Variants in ABCG8 observed in about 807,000 individuals in gnomAD.
The protein encoded by ABCG8 is ATP-binding cassette sub-family G member 8.
ABCG8 carries 81 observed loss-of-function variants against 71.3 expected under a neutral mutation model. The ratio of observed to expected loss-of-function variants is 1.14; its 90% CI spans 0.95 to 1.37. The LOEUF is 1.37. Among genes scored for constraint, ABCG8 ranks in the 40% most tolerant of loss-of-function variants. ABCG8 has a pLI of 0.00. For synonymous variants in ABCG8, 451 were observed against 354.7 expected (o/e 1.27, Z -3.05); for missense variants, 1,119 against 866.2 (o/e 1.29, Z -3.66).
At chr2:43,876,562 T>C (rs1479006148) in intron 11 of ABCG8, among the ~76,000 whole-genome samples, 2 of 150,144 alleles carry the variant, frequency 1.3e-5, no homozygotes, top group East Asian at 4.0e-4. Flanking sequence ...AGGGAGACCA[T>C]GGGAATATGG....
At chr2:43,867,928 T>C (rs1669591473) in intron 6 of ABCG8, among the ~76,000 whole-genome samples, 1 of 151,762 alleles carries the variant, frequency 6.6e-6, no homozygotes, top group South Asian at 2.1e-4. Context: ...GATAAAACTC[T>C]CACTATCCGT....
chr2:43,875,654 C>T (rs570435227), intron 11 of ABCG8, among the ~76,000 whole-genome samples: 2 of 152,304 alleles, frequency 1.3e-5, no homozygotes, highest in East Asian at 3.9e-4. Flanking sequence ...TGTCTCCCTC[C>T]CTCTCCACAT....
At position 43,866,333 on chromosome 2, in the gene ABCG8, A is replaced by G. The variant is rs529262489; in HGVS notation, c.965-5643A>G. Among the ~76,000 whole-genome samples the G allele has an allele frequency of 8.5e-3, 1,292 of 152,072 alleles. 26 individuals are homozygous for G. The highest frequency in any genetic ancestry group is 0.029 in the African/African-American group (1,187 of 41,504). ...CCAAAAGCAATGGCAACAAAAGCCA[A>G]AATTGACAAATGGGATCTAATTAAA... On this transcript the variant is annotated intron_variant, in intron 6 of 12. Transcript: ENST00000272286.
intron 6 of ABCG8, among the ~76,000 whole-genome samples, chr2:43,864,164 C>T (rs1256186638): frequency 6.6e-6 from 1 of 151,448 alleles, no homozygotes; most frequent in East Asian, 1.9e-4. Context: ...ATAAAATACT[C>T]ACTCTCTGGA....
In ABCG8 at chr2:43,851,647, C is replaced by G; in HGVS notation, c.386C>G (p.Ser129Ter). 1 of 1,614,224 alleles carries G rather than the reference C, an allele frequency of 6.2e-7. No homozygotes were observed. The highest frequency in any genetic ancestry group is 8.5e-7 in the Non-Finnish European group (1 of 1,180,038). Reference sequence around the variant, plus strand: ...CGAGGTCACGGCGGCAAGATCAAGTCAGGCCAGATCTGGATCAATGGGCAG... The same window carrying G: ...CGAGGTCACGGCGGCAAGATCAAGTGAGGCCAGATCTGGATCAATGGGCAG... ...TGRGHGGKIK[S>*]GQIWINGQPS... is the part of the protein sequence containing the mutation. The change falls in exon 4 of 13, where the codon TCA becomes TGA. Residue 129 changes from serine (S) to a stop codon, truncating the protein, a stop_gained. Coordinates refer to ENST00000272286, the MANE Select transcript of ABCG8 (RefSeq NM_022437.3). LOFTEE classifies it high-confidence loss of function.
chr2:43,841,525 G>C (rs1008854204), intron 1 of ABCG8, among the ~76,000 whole-genome samples: 1 of 152,178 alleles, frequency 6.6e-6, no homozygotes, highest in Admixed American at 6.5e-5. Context: ...AAATGGAACA[G>C]AGGTCGTCCC....
intron 3 of ABCG8, among the ~76,000 whole-genome samples, chr2:43,849,594 G>A (rs985437600): frequency 1.3e-5 from 2 of 152,026 alleles, no homozygotes; most frequent in African/African-American, 4.8e-5. Flanking sequence ...CTCCCCAGAT[G>A]CCACAGGCAT....
In ABCG8 at chr2:43,881,696, A is replaced by G. The variant is rs1670134741; in HGVS notation, c.*3783A>G. On this transcript the variant is annotated 3_prime_UTR_variant, in exon 13 of 13. Transcript: ENST00000272286. ...CGCACTCCAGCCTGGTGACAGAGCG[A>G]TACTCTGTCTCAAAAAAAAAAAAAA... 7.5e-6 allele frequency: 1 copy of G among 133,516 alleles called. No individual in the cohort carries two copies. Among genetic ancestry groups the G allele is most frequent in the African/African-American group, 2.9e-5 (1 of 34,130 alleles). The allele number at this position is 133,516 out of a possible 1,614,324, so 8.3% of individuals were successfully genotyped here. A position where few individuals can be genotyped will look rare whatever the true frequency, so the allele number is the denominator to read the frequency against.
At chr2:43,873,331 G>C (rs1572864890) in intron 8 of ABCG8, among the ~76,000 whole-genome samples, 1 of 151,912 alleles carries the variant, frequency 6.6e-6, no homozygotes, top group South Asian at 2.1e-4. Flanking sequence ...TGGGATTACA[G>C]GTGTGTGCCA....
chr2:43,882,375 C>T lies in ABCG8; in HGVS notation c.*4462C>T, dbSNP rs934555549. The T allele has an allele frequency of 6.6e-6, 1 of 152,234 alleles. No homozygotes were observed. The highest frequency in any genetic ancestry group is 6.5e-5 in the Admixed American group (1 of 15,286). The allele number at this position is 152,234 out of a possible 1,614,324, so 9.4% of individuals were successfully genotyped here. On this transcript the variant is annotated 3_prime_UTR_variant, in exon 13 of 13. Coordinates refer to ENST00000272286, the MANE Select transcript of ABCG8 (RefSeq NM_022437.3). The stretch of plus-strand genomic sequence containing the variant: ...AGGGGTTCCTCATAGTGGCTTAGCA[C>T]AGCATACAGACCACTTTCCTTTGGC...
chr2:43,846,160 C>T lies in ABCG8; in HGVS notation c.171C>T (p.Asp57=). 6.2e-7 allele frequency: 1 copy of T among 1,613,276 alleles called. No homozygotes were observed. Residue 57 remains aspartate (D), a synonymous_variant, in exon 3 of 13, where the codon GAC becomes GAT. Coordinates refer to ENST00000272286, the MANE Select transcript of ABCG8 (RefSeq NM_022437.3). ...CTTCTGATATCTCCCCACAGGTGGA[C>T]CTGGCCTCTCAGGTCCCTTGGTTTG... ...LEVRDLNYQV[D]LASQVPWFEQ...
intron 6 of ABCG8, 87 bp from the exon 7 acceptor site, chr2:43,871,889 T>C (rs930931525): frequency 2.5e-6 from 4 of 1,582,352 alleles, no homozygotes; most frequent in East Asian, 2.2e-5. Context: ...GTGATCAGCA[T>C]TGTGAGCTGG....
intron 6 of ABCG8, among the ~76,000 whole-genome samples, chr2:43,860,163 C>A (rs540215412): frequency 6.6e-6 from 1 of 151,100 alleles, no homozygotes. Context: ...AATTCTCACT[C>A]TCTGGATAGA....
In ABCG8 at chr2:43,877,662, C is replaced by A. The variant is rs746858868; in HGVS notation, c.1858C>A (p.Leu620Ile). The change falls in exon 12 of 13, where the codon CTC becomes ATC. Residue 620 changes from leucine to isoleucine, a missense_variant. Coordinates refer to ENST00000272286, the MANE Select transcript of ABCG8 (RefSeq NM_022437.3). ...RRTYKMPLGNLTIAVSGDKIL... is the reference protein window; with the variant it reads ...RRTYKMPLGNITIAVSGDKIL... ...AACTTATAAAATGCCTCTCGGGAACCTCACCATCGCGGTCTCAGGAGATAA... is the reference window on the plus strand; with the variant it reads ...AACTTATAAAATGCCTCTCGGGAACATCACCATCGCGGTCTCAGGAGATAA... 1.6e-5 allele frequency: 26 copies of A among 1,614,014 alleles called. No homozygotes were observed. Among genetic ancestry groups the A allele is most frequent in the Non-Finnish European group, 2.2e-5 (26 of 1,180,026 alleles).
In ABCG8 at chr2:43,873,923, G is replaced by A. The variant is rs754133516; in HGVS notation, c.1348G>A (p.Ala450Thr). Residue 450 changes from alanine to threonine, a missense_variant, in exon 9 of 13, where the codon GCC (alanine) becomes ACC (threonine). Physicochemically the swap from Ala to Thr is moderately conservative, Grantham distance 58 (BLOSUM62 0). Transcript: ENST00000272286. Reference sequence around the variant, plus strand: ...CCAGCTCTCCTTCATGGATACAGCCGCCCTCTTGTTCATGATCGGTGCTCT... The same window carrying A: ...CCAGCTCTCCTTCATGGATACAGCCACCCTCTTGTTCATGATCGGTGCTCT... ...SIQLSFMDTA[A>T]LLFMIGALIP... is the part of the protein sequence containing the mutation. The A allele has an allele frequency of 1.9e-5, 30 of 1,613,874 alleles. No homozygotes were observed. The highest frequency in any genetic ancestry group is 8.3e-5 in the Admixed American group (5 of 59,978).
intron 6 of ABCG8, among the ~76,000 whole-genome samples, chr2:43,854,283 G>A (rs1193738005): frequency 1.3e-5 from 2 of 152,242 alleles, no homozygotes; most frequent in East Asian, 3.9e-4. Context: ...GCCACATCAT[G>A]GTTTATAAGA....
chr2:43,845,667 G>T (rs1368033356), intron 2 of ABCG8, among the ~76,000 whole-genome samples: 2 of 151,942 alleles, frequency 1.3e-5, no homozygotes, highest in African/African-American at 2.4e-5. Flanking sequence ...TGTCACCCAG[G>T]CTGGGATGCA....
intron 6 of ABCG8, among the ~76,000 whole-genome samples, chr2:43,870,337 A>G (rs755468211): frequency 6.6e-6 from 1 of 151,270 alleles, no homozygotes; most frequent in African/African-American, 2.4e-5. Context: ...CTCACTATCT[A>G]TATGGAAAGA....
Position 43,872,335 on chromosome 2 carries a change from C to T in ABCG8, c.1211+29C>T. The T allele has an allele frequency of 3.1e-6, 5 of 1,598,722 alleles. No homozygotes were observed. In the South Asian group the frequency reaches 4.5e-5, roughly 14 times the overall value. The stretch of plus-strand genomic sequence containing the variant: ...ATTATCTGTCATTTTATTACTGAAC[C>T]CGCCCCCCTGCCCAAGTCTTTGTAT... On this transcript the variant is annotated intron_variant, in intron 8 of 12. Coordinates refer to ENST00000272286, the MANE Select transcript of ABCG8 (RefSeq NM_022437.3).
Sources: allele counts gnomAD v4.1 joint callset (sites outside exome capture counted in the v4.1 genomes callset), GRCh38; gene constraint gnomAD v4.1.1; transcripts MANE v1.5; gene names NCBI Gene and HGNC (gene_info 2026-07-23, HGNC 2026-07-21).